The following SLC41A2 variants were observed in gnomAD, a reference collection of about 807,000 sequenced individuals.
The protein encoded by SLC41A2 is SLC41A1-like 1.
A neutral mutation model predicts 58.3 loss-of-function variants in SLC41A2; 32 were observed. That is an observed-to-expected ratio of 0.55 (90% confidence interval 0.41 to 0.74). SLC41A2 has a LOEUF of 0.74. Among genes scored for constraint, SLC41A2 ranks in the 30% least tolerant of loss-of-function variants. SLC41A2 has a pLI of 0.00. For synonymous variants in SLC41A2, 190 were observed against 235.0 expected, an observed-to-expected ratio of 0.81 and a Z score of 1.75; for missense variants, 514 against 680.6, an observed-to-expected ratio of 0.76 and a Z score of 2.72.
chr12:104,874,666 T>C (rs184883360), intron 6 of SLC41A2, among the ~76,000 whole-genome samples: 1 of 152,318 alleles, frequency 6.6e-6, no homozygotes, highest in African/African-American at 2.4e-5. Context: ...TTTGACTGTA[T>C]ATACTTGGGT....
chr12:104,937,196 T>C (rs970235346), intron 1 of SLC41A2, among the ~76,000 whole-genome samples: 3 of 152,232 alleles, frequency 2.0e-5, no homozygotes, highest in Non-Finnish European at 2.9e-5. Context: ...TTTTTGTACA[T>C]TTTGTGTAGC....
At chr12:104,810,827 C>T (rs1384161360) in intron 10 of SLC41A2, among the ~76,000 whole-genome samples, 2 of 152,148 alleles carry the variant, frequency 1.3e-5, no homozygotes, top group East Asian at 3.9e-4. Context: ...AACCTGCCCA[C>T]GATCACACAG....
chr12:104,894,753 T>G (rs1344059537), intron 4 of SLC41A2, among the ~76,000 whole-genome samples: 1 of 152,190 alleles, frequency 6.6e-6, no homozygotes, highest in Non-Finnish European at 1.5e-5. Flanking sequence ...GAAACTCATC[T>G]AAGATTAGAA....
chr12:104,834,064 G>A (rs548800476), intron 10 of SLC41A2: 18 of 985,326 alleles, frequency 1.8e-5, no homozygotes, highest in Middle Eastern at 5.2e-4. Context: ...TTACAAGACC[G>A]AAAAGAGCTC....
chr12:104,817,677 C>G (rs1440236041), intron 10 of SLC41A2, among the ~76,000 whole-genome samples: 2 of 150,946 alleles, frequency 1.3e-5, no homozygotes, highest in African/African-American at 4.9e-5. Flanking sequence ...CAGTTGTTTA[C>G]TATCATTATC....
chr12:104,853,453 T>C (rs1259995477), intron 8 of SLC41A2, among the ~76,000 whole-genome samples: 1 of 152,174 alleles, frequency 6.6e-6, no homozygotes, highest in African/African-American at 2.4e-5. Context: ...AATTACTCTT[T>C]GAGTTTCAAG....
intron 6 of SLC41A2, among the ~76,000 whole-genome samples, chr12:104,872,927 T>G (rs143984083): frequency 6.6e-6 from 1 of 152,304 alleles, no homozygotes; most frequent in East Asian, 1.9e-4. Flanking sequence ...TTCATAGACA[T>G]ATTACAGTTA....
At chr12:104,866,377 G>A in intron 7 of SLC41A2, 55 bp downstream of exon 7, 1 of 1,419,820 alleles carries the variant, frequency 7.0e-7, no homozygotes, top group Non-Finnish European at 9.2e-7. Flanking sequence ...AAGACAGACA[G>A]ACGTACACAC....
At chr12:104,840,224 G>A (rs558647588) in intron 10 of SLC41A2, among the ~76,000 whole-genome samples, 6 of 152,156 alleles carry the variant, frequency 3.9e-5, no homozygotes, top group Admixed American at 2.6e-4. Context: ...AAGTTAACAG[G>A]CTTTGAGCAG....
At chr12:104,835,867 A>G (rs947842831) in intron 10 of SLC41A2, among the ~76,000 whole-genome samples, 3 of 151,530 alleles carry the variant, frequency 2.0e-5, no homozygotes, top group African/African-American at 7.3e-5. Flanking sequence ...TTTTTGAGAC[A>G]GAGTCTTGCT....
chr12:104,805,375 A>G, intron 10 of SLC41A2, 38 bp from the exon 11 acceptor site: 1 of 1,576,184 alleles, frequency 6.3e-7, no homozygotes, highest in South Asian at 1.2e-5. Context: ...GGCTGCCTGG[A>G]CATTCCTAGC....
intron 10 of SLC41A2, among the ~76,000 whole-genome samples, chr12:104,825,771 A>G (rs932632201): frequency 6.6e-6 from 1 of 152,202 alleles, no homozygotes; most frequent in South Asian, 2.1e-4. Flanking sequence ...AAGCCAGGCA[A>G]TAGGCACAAT....
chr12:104,941,285 A>C (rs1295233735), intron 1 of SLC41A2, among the ~76,000 whole-genome samples: 2 of 152,258 alleles, frequency 1.3e-5, no homozygotes, highest in African/African-American at 4.8e-5. Flanking sequence ...GCCCACTGAC[A>C]GAAAAGAATA....
intron 1 of SLC41A2, among the ~76,000 whole-genome samples, chr12:104,942,242 G>T (rs375123179): frequency 5.5e-4 from 84 of 152,196 alleles, no homozygotes; most frequent in Middle Eastern, 6.8e-3. Flanking sequence ...ACTTTGGGAG[G>T]CCGAGGCAGG....
chr12:104,945,721 TAC>T (rs1200768232), intron 1 of SLC41A2, among the ~76,000 whole-genome samples: 1 of 152,254 alleles, frequency 6.6e-6, no homozygotes, highest in Non-Finnish European at 1.5e-5. Flanking sequence ...ATCAATATTC[TAC>T]AGTTATCTTT....
Position 104,928,354 on chromosome 12 carries a change from G to A in SLC41A2, c.174C>T (p.His58=), listed in dbSNP as rs777165372. The change falls in exon 2 of 11, where the codon CAC becomes CAT. Residue 58 remains histidine (H), a synonymous_variant. Transcript: ENST00000258538. The part of the protein sequence containing the change: ...VIYQKNQEDR[H]KKANGIWQDG... The stretch of plus-strand genomic sequence containing the variant: ...CTTGCCAAATGCCGTTTGCTTTTTT[G>A]TGCCTGTCTTCTTGGTTTTTCTGGT... 2 of 1,607,422 alleles carry A rather than the reference G, an allele frequency of 1.2e-6. No individual in the cohort carries two copies. The highest frequency in any genetic ancestry group is 1.7e-6 in the Non-Finnish European group (2 of 1,176,342).
chr12:104,899,627 A>G (rs1481154111), intron 3 of SLC41A2, among the ~76,000 whole-genome samples: 1 of 152,124 alleles, frequency 6.6e-6, no homozygotes, highest in Non-Finnish European at 1.5e-5. Context: ...CAAAGATTTG[A>G]GCACAATTTA....
At chr12:104,835,360 T>C (rs1321030724) in intron 10 of SLC41A2, among the ~76,000 whole-genome samples, 1 of 152,216 alleles carries the variant, frequency 6.6e-6, no homozygotes, top group Non-Finnish European at 1.5e-5. Context: ...AAACTCTTTA[T>C]CATCTGTTCT....
intron 10 of SLC41A2, chr12:104,834,240 C>G (rs1442538472): frequency 4.2e-5 from 39 of 930,442 alleles, no homozygotes; most frequent in Middle Eastern, 5.4e-4. Context: ...GACCTTACAA[C>G]CTAAGCTATA....
Sources: allele counts gnomAD v4.1 joint callset (sites outside exome capture counted in the v4.1 genomes callset), GRCh38; gene constraint gnomAD v4.1.1; transcripts MANE v1.5; gene names NCBI Gene and HGNC (gene_info 2026-07-23, HGNC 2026-07-21).